TRAPPC12: variants seen among roughly 807,000 people sequenced by gnomAD.
The protein encoded by TRAPPC12 is trafficking protein particle complex subunit 12, also known as TPR repeat protein 15.
Under a neutral mutation model 69.2 loss-of-function variants are expected in TRAPPC12, and 61 were observed. The ratio of observed to expected loss-of-function variants is 0.88; its 90% CI spans 0.72 to 1.09. The LOEUF (loss-of-function observed/expected upper bound fraction) is 1.09, where lower values mean the gene tolerates loss of function less well. Among genes scored for constraint, TRAPPC12 ranks in the 50% least tolerant of loss-of-function variants. TRAPPC12 has a pLI of 0.00. For synonymous variants in TRAPPC12, 469 were observed against 438.9 expected (o/e 1.07, Z -0.86); for missense variants, 1,101 against 1,016.4 (o/e 1.08, Z -1.13).
At chr2:3,420,381 G>A (rs960678260) in intron 3 of TRAPPC12, among the ~76,000 whole-genome samples, 2 of 151,900 alleles carry the variant, frequency 1.3e-5, no homozygotes, top group African/African-American at 4.8e-5. Context: ...CGCTGACTCT[G>A]GATTGATGAA....
Position 3,388,014 on chromosome 2 carries a change from C to G in TRAPPC12, c.391C>G (p.Pro131Ala). Residue 131 changes from proline (P) to alanine (A), a missense_variant, in exon 2 of 12, where the codon CCG becomes GCG. Transcript: ENST00000324266. ...EDAAPSSGGA[P>A]RQDAAREVPG... ...CGCGGCACCCAGTAGCGGAGGGGCC[C>G]CGAGGCAGGACGCGGCCCGCGAGGT... 1 of 1,470,594 alleles carries G rather than the reference C, an allele frequency of 6.8e-7. No homozygotes were observed. Among genetic ancestry groups the G allele is most frequent in the Non-Finnish European group, 8.9e-7 (1 of 1,117,826 alleles). 91.1% of individuals were successfully genotyped at this position (1,470,594 alleles called of 1,614,324 possible).
chr2:3,403,565 A>G (rs962066044), intron 3 of TRAPPC12, among the ~76,000 whole-genome samples: 2 of 152,240 alleles, frequency 1.3e-5, no homozygotes, highest in Non-Finnish European at 2.9e-5. Context: ...TTTAGTTCCT[A>G]AAGATATAAT....
In TRAPPC12 at chr2:3,479,072, G is replaced by T. The variant is rs1666428234; in HGVS notation, c.1965+139G>T. 2.0e-6 allele frequency: 3 copies of T among 1,497,990 alleles called. No homozygotes were observed. The East Asian group carries it at 7.0e-5, about 35-fold the overall frequency. The allele number at this position is 1,497,990 out of a possible 1,614,324, so 92.8% of individuals were successfully genotyped here. A position where few individuals can be genotyped will look rare whatever the true frequency, so the allele number is the denominator to read the frequency against. On this transcript the variant is annotated intron_variant, in intron 11 of 11. Transcript: ENST00000324266. Reference sequence around the variant, plus strand: ...TCCAGGCAGTGGCTGTGGCCCTTAGGGGAAGTGACCCAACAGGGCCACCTA... The same window carrying T: ...TCCAGGCAGTGGCTGTGGCCCTTAGTGGAAGTGACCCAACAGGGCCACCTA...
chr2:3,450,953 C>G, intron 6 of TRAPPC12, among the ~76,000 whole-genome samples: 1 of 152,198 alleles, frequency 6.6e-6, no homozygotes, highest in Middle Eastern at 3.2e-3. Flanking sequence ...ACAGCACTTT[C>G]CACACTGAAG....
chr2:3,415,049 A>C (rs12474811), intron 3 of TRAPPC12, among the ~76,000 whole-genome samples: 45,318 of 151,976 alleles, frequency 0.3, 7,218 homozygotes, highest in Middle Eastern at 0.4. Context: ...GTATCCCAGG[A>C]GTCCTGGAAC....
intron 8 of TRAPPC12, among the ~76,000 whole-genome samples, chr2:3,464,567 C>T (rs1260886887): frequency 1.3e-5 from 2 of 152,268 alleles, no homozygotes; most frequent in African/African-American, 4.8e-5. Context: ...GCCATAGTTA[C>T]TGCTGACCGC....
chr2:3,395,173 A>G (rs190258887), intron 2 of TRAPPC12, among the ~76,000 whole-genome samples: 79 of 152,318 alleles, frequency 5.2e-4, no homozygotes, highest in Non-Finnish European at 5.4e-4. Context: ...TTTTGTATCC[A>G]TGGTATAGTC....
intron 3 of TRAPPC12, among the ~76,000 whole-genome samples, chr2:3,408,334 A>G (rs1250494577): frequency 6.6e-6 from 1 of 152,230 alleles, no homozygotes; most frequent in African/African-American, 2.4e-5. Context: ...CAATTTAACA[A>G]TAGCTAATAA....
chr2:3,399,203 G>C (rs1044412658), intron 2 of TRAPPC12, among the ~76,000 whole-genome samples: 1 of 152,248 alleles, frequency 6.6e-6, no homozygotes, highest in African/African-American at 2.4e-5. Context: ...TTAAGGACAA[G>C]AGATTTTCAC....
At chr2:3,393,966 T>C (rs1038689180) in intron 2 of TRAPPC12, among the ~76,000 whole-genome samples, 1 of 152,248 alleles carries the variant, frequency 6.6e-6, no homozygotes, top group Non-Finnish European at 1.5e-5. Context: ...TCAGTTACGC[T>C]GTAGGTTCAG....
intron 2 of TRAPPC12, 41 bp from the exon 3 acceptor site, chr2:3,401,736 C>T (rs903811848): frequency 4.3e-6 from 6 of 1,383,344 alleles, no homozygotes; most frequent in Admixed American, 2.4e-5. Flanking sequence ...GTTTAGTTGA[C>T]ATTTTATTGT....
At chr2:3,382,383 T>G (rs926679917) in intron 1 of TRAPPC12, among the ~76,000 whole-genome samples, 15 of 152,266 alleles carry the variant, frequency 9.9e-5, no homozygotes, top group African/African-American at 3.6e-4. Context: ...TCCGCCTGCC[T>G]CGGCCTCCCA....
intron 6 of TRAPPC12, among the ~76,000 whole-genome samples, chr2:3,453,919 A>G (rs1321658936): frequency 6.6e-6 from 1 of 152,240 alleles, no homozygotes; most frequent in Non-Finnish European, 1.5e-5. Flanking sequence ...CAGCAATAAA[A>G]GCTACCAACT....
intron 9 of TRAPPC12, among the ~76,000 whole-genome samples, chr2:3,471,373 C>T (rs1666052211): frequency 6.6e-6 from 1 of 152,172 alleles, no homozygotes. Context: ...CGGCCTCGTC[C>T]CGCAGGCAGA....
intron 5 of TRAPPC12, among the ~76,000 whole-genome samples, chr2:3,443,059 A>T (rs1031968462): frequency 2.0e-5 from 3 of 152,254 alleles, no homozygotes; most frequent in Admixed American, 2.0e-4. Flanking sequence ...ATTAACAAAA[A>T]GTTGACCTTA....
chr2:3,460,606 T>C, intron 8 of TRAPPC12: 1 of 414,318 alleles, frequency 2.4e-6, no homozygotes, highest in Non-Finnish European at 4.3e-6. Context: ...AAAAGTATTG[T>C]TCATTTTCCC....
At position 3,440,442 on chromosome 2, in the gene TRAPPC12, AT is replaced by A. The variant is rs542676671; in HGVS notation, c.1418-3336del. Among the ~76,000 whole-genome samples, 175 of 152,042 alleles carry A rather than the reference AT, an allele frequency of 1.2e-3. 1 individual carries two copies. In the East Asian group the frequency reaches 0.021, roughly 18 times the overall value. ...TTATACGTGGGTATTTCACTTATTT[AT>A]GTAGAAATGATAGTGTGTTTTTAAT... On this transcript the variant is annotated intron_variant, in intron 5 of 11. Transcript: ENST00000324266.
At chr2:3,425,676 C>CAA (rs1354044025) in intron 5 of TRAPPC12, among the ~76,000 whole-genome samples, 1 of 152,160 alleles carries the variant, frequency 6.6e-6, no homozygotes, top group Admixed American at 6.5e-5. Context: ...CGATTGTCAG[C>CAA]ATTTGTTGGC....
chr2:3,438,530 T>A (rs1558383657), intron 5 of TRAPPC12, among the ~76,000 whole-genome samples: 1 of 7,450 alleles, frequency 1.3e-4, no homozygotes, highest in Non-Finnish European at 2.6e-4. Flanking sequence ...CCAATCCCCC[T>A]GGGTTAATCC....
Sources: allele counts gnomAD v4.1 joint callset (sites outside exome capture counted in the v4.1 genomes callset), GRCh38; gene constraint gnomAD v4.1.1; transcripts MANE v1.5; gene names NCBI Gene and HGNC (gene_info 2026-07-23, HGNC 2026-07-21).